Variants in AGMO observed in about 807,000 individuals in gnomAD.
AGMO encodes the protein glyceryl-ether monooxygenase.
In AGMO, 75 loss-of-function variants were observed where a neutral mutation model predicts 60.2. The observed-to-expected ratio is 1.25, with a 90% CI of 1.03 to 1.51. AGMO has a LOEUF of 1.51. Ranked by LOEUF, AGMO falls within the 40% of genes most tolerant of loss-of-function variation. The pLI, the probability that AGMO is intolerant of heterozygous loss-of-function variation, is 0.00. For synonymous variants in AGMO, 261 were observed against 177.1 expected, an observed-to-expected ratio of 1.47 and a Z score of -3.76; for missense variants, 763 against 525.5, an observed-to-expected ratio of 1.45 and a Z score of -4.42.
chr7:15,535,517 T>C (rs918736101), intron 3 of AGMO, among the ~76,000 whole-genome samples: 10 of 151,984 alleles, frequency 6.6e-5, no homozygotes, highest in Admixed American at 3.9e-4. Context: ...CTTACCTGAC[T>C]GTTGGGTCCA....
intron 3 of AGMO, among the ~76,000 whole-genome samples, chr7:15,455,256 A>C (rs1159681422): frequency 6.6e-6 from 1 of 151,996 alleles, no homozygotes; most frequent in Non-Finnish European, 1.5e-5. Context: ...CTTCTTCCAC[A>C]TTTGGTTTAT....
At chr7:15,420,408 T>C (rs10216294) in intron 4 of AGMO, among the ~76,000 whole-genome samples, 10,585 of 152,090 alleles carry the variant, frequency 0.07, 535 homozygotes, top group African/African-American at 0.14. Flanking sequence ...AGTAATATAA[T>C]GAGGAACTGA....
intron 12 of AGMO, among the ~76,000 whole-genome samples, chr7:15,350,570 GAGT>G (rs1563102455): frequency 6.6e-6 from 1 of 152,120 alleles, no homozygotes; most frequent in East Asian, 1.9e-4. Flanking sequence ...GAGTCAGAGA[GAGT>G]AGATTTCTGT....
At chr7:15,545,730 A>G (rs1295679568) in intron 2 of AGMO, among the ~76,000 whole-genome samples, 2 of 152,074 alleles carry the variant, frequency 1.3e-5, no homozygotes, top group African/African-American at 4.8e-5. Flanking sequence ...TTAAAAACCT[A>G]TAAAATGTAC....
intron 3 of AGMO, among the ~76,000 whole-genome samples, chr7:15,435,696 G>A (rs573121920): frequency 9.2e-5 from 14 of 152,042 alleles, no homozygotes; most frequent in African/African-American, 3.4e-4. Context: ...AAGAACAAAA[G>A]TTTTAATTTT....
the AGMO span, among the ~76,000 whole-genome samples, chr7:15,172,059 A>T: frequency 6.6e-6 from 1 of 152,176 alleles, no homozygotes; most frequent in Non-Finnish European, 1.5e-5. Flanking sequence ...AGATTCCCAC[A>T]CAAAGACATG....
At chr7:15,245,545 A>G (rs1782714950) in intron 12 of AGMO, among the ~76,000 whole-genome samples, 1 of 152,084 alleles carries the variant, frequency 6.6e-6, no homozygotes, top group African/African-American at 2.4e-5. Flanking sequence ...GAGGTTCAGT[A>G]AAAATAAATC....
the AGMO span, among the ~76,000 whole-genome samples, chr7:15,166,569 G>A: frequency 3.3e-5 from 5 of 152,216 alleles, no homozygotes; most frequent in Admixed American, 6.5e-5. Flanking sequence ...TCCATCTTAC[G>A]TTTTAAGAAA....
the AGMO span, among the ~76,000 whole-genome samples, chr7:15,152,264 C>A: frequency 6.6e-6 from 1 of 152,032 alleles, no homozygotes; most frequent in African/African-American, 2.4e-5. Context: ...TATATTTGAA[C>A]AGACAGAAAT....
chr7:15,282,894 C>T (rs1411185752), intron 12 of AGMO, among the ~76,000 whole-genome samples: 2 of 152,150 alleles, frequency 1.3e-5, no homozygotes, highest in African/African-American at 2.4e-5. Context: ...GCAGACTTCT[C>T]AGCAGAAACC....
intron 3 of AGMO, among the ~76,000 whole-genome samples, chr7:15,540,069 A>G (rs890267647): frequency 6.6e-6 from 1 of 152,162 alleles, no homozygotes; most frequent in African/African-American, 2.4e-5. Context: ...CTAAAGAGGT[A>G]AGGAGGGAGG....
chr7:15,385,460 A>G lies in AGMO; in HGVS notation c.1060T>C (p.Phe354Leu). Reference sequence around the variant, plus strand: ...ATATTACTTACAGCTGTATCTGCAAAGGTCTCTTCATAAAATGCCAACATC... The same window carrying G: ...ATATTACTTACAGCTGTATCTGCAAGGGTCTCTTCATAAAATGCCAACATC... ...ALMLAFYEET[F>L]ADTAALSQVT... The change falls in exon 10 of 13, where the codon TTT becomes CTT. Residue 354 changes from phenylalanine to leucine, a missense_variant. Physicochemically the swap from Phe to Leu is conservative, Grantham distance 22. Coordinates refer to ENST00000342526, the MANE Select transcript of AGMO (RefSeq NM_001004320.2). 6.3e-7 allele frequency: 1 copy of G among 1,585,742 alleles called. No homozygotes were observed. The highest frequency in any genetic ancestry group is 1.3e-5 in the African/African-American group (1 of 74,368).
At chr7:15,285,809 G>A (rs183367561) in intron 12 of AGMO, among the ~76,000 whole-genome samples, 108 of 152,134 alleles carry the variant, frequency 7.1e-4, no homozygotes, top group Middle Eastern at 6.8e-3. Flanking sequence ...CACATTACCC[G>A]ACTTCAAATG....
intron 12 of AGMO, among the ~76,000 whole-genome samples, chr7:15,206,629 G>A (rs1000820254): frequency 3.3e-5 from 5 of 152,102 alleles, no homozygotes; most frequent in Admixed American, 2.0e-4. Flanking sequence ...GAATGACCAT[G>A]TGATAACATC....
intron 10 of AGMO, among the ~76,000 whole-genome samples, chr7:15,375,744 C>A (rs935269677): frequency 6.6e-6 from 1 of 152,034 alleles, no homozygotes; most frequent in African/African-American, 2.4e-5. Flanking sequence ...CAAAGAACTG[C>A]GCATTTAGAC....
chr7:15,247,459 C>CACACACAG (rs139642069), intron 12 of AGMO, among the ~76,000 whole-genome samples: 2 of 115,284 alleles, frequency 1.7e-5, no homozygotes, highest in East Asian at 2.6e-4. Flanking sequence ...CACACACACA[C>CACACACAG]AGAGAGAGAG....
In AGMO at chr7:15,365,366, C is replaced by G. The variant is rs112745498; in HGVS notation, c.1263+148G>C. ...TAACTAGCTCAGATGACACAACTAA[C>G]AAGTACTGGTAAGTAAAAAAAAAAA... On this transcript the variant is annotated intron_variant, in intron 12 of 12. Transcript: ENST00000342526. 2,028 of 285,322 alleles carry G rather than the reference C, an allele frequency of 7.1e-3. 90 individuals carry two copies. Among genetic ancestry groups the G allele is most frequent in the Non-Finnish European group, 8.4e-3 (1,484 of 176,698 alleles). 17.7% of individuals were successfully genotyped at this position (285,322 alleles called of 1,614,324 possible).
intron 9 of AGMO, among the ~76,000 whole-genome samples, chr7:15,387,125 A>G (rs1783948864): frequency 6.6e-6 from 1 of 152,192 alleles, no homozygotes; most frequent in Admixed American, 6.5e-5. Flanking sequence ...TGCCCTACAC[A>G]AAGGCAAGCG....
intron 12 of AGMO, among the ~76,000 whole-genome samples, chr7:15,360,612 G>A (rs544935479): frequency 6.6e-6 from 1 of 152,076 alleles, no homozygotes; most frequent in Admixed American, 6.6e-5. Context: ...GTTTGGCCTT[G>A]CTATCTCAGG....
Sources: allele counts gnomAD v4.1 joint callset (sites outside exome capture counted in the v4.1 genomes callset), GRCh38; gene constraint gnomAD v4.1.1; transcripts MANE v1.5; gene names NCBI Gene and HGNC (gene_info 2026-07-23, HGNC 2026-07-21).